Variants in GMPR observed in about 807,000 individuals in gnomAD.
The protein encoded by GMPR is guanosine monophosphate reductase.
Under a neutral mutation model 38.4 loss-of-function variants are expected in GMPR, and 31 were observed. The ratio of observed to expected loss-of-function variants is 0.81; its 90% confidence interval spans 0.61 to 1.09. The LOEUF (loss-of-function observed/expected upper bound fraction) is 1.09, where lower values mean the gene tolerates loss of function less well. Ranked by LOEUF, GMPR falls within the 50% of genes least tolerant of loss-of-function variation. The pLI is 0.00. For missense variants in GMPR, 468 were observed against 453.7 expected (o/e 1.03, Z -0.29); for synonymous variants, 162 against 173.3 (o/e 0.93, Z 0.51).
At chr6:16,291,259 T>C (rs1759837490) in intron 8 of GMPR, among the ~76,000 whole-genome samples, 1 of 152,194 alleles carries the variant, frequency 6.6e-6, no homozygotes, top group Non-Finnish European at 1.5e-5. Flanking sequence ...AGTCGTGCTC[T>C]GTCGCCCAGG....
chr6:16,239,984 C>G, intron 1 of GMPR, among the ~76,000 whole-genome samples: 1 of 152,162 alleles, frequency 6.6e-6, no homozygotes, highest in East Asian at 1.9e-4. Context: ...AAGAGGGGGC[C>G]TCTCTTGGAA....
intron 8 of GMPR, among the ~76,000 whole-genome samples, chr6:16,292,309 G>C (rs1481294962): frequency 3.3e-5 from 5 of 152,010 alleles, no homozygotes; most frequent in Non-Finnish European, 7.4e-5. Flanking sequence ...GGATTGGGGG[G>C]AGTGGGGTGT....
At chr6:16,280,977 T>G (rs1407620764) in intron 6 of GMPR, among the ~76,000 whole-genome samples, 1 of 152,156 alleles carries the variant, frequency 6.6e-6, no homozygotes, top group African/African-American at 2.4e-5. Context: ...TACAGGGCTG[T>G]TTGGCCAAAG....
intron 6 of GMPR, among the ~76,000 whole-genome samples, chr6:16,284,061 G>A (rs1276682896): frequency 6.6e-6 from 1 of 152,182 alleles, no homozygotes; most frequent in Non-Finnish European, 1.5e-5. Context: ...GATAACATAC[G>A]GCAAGACCAC....
intron 2 of GMPR, among the ~76,000 whole-genome samples, chr6:16,247,517 G>A (rs960944798): frequency 6.6e-6 from 1 of 152,134 alleles, no homozygotes; most frequent in African/African-American, 2.4e-5. Context: ...TAGGACTACA[G>A]GCACATGCCA....
intron 3 of GMPR, among the ~76,000 whole-genome samples, chr6:16,250,692 A>G (rs1342855724): frequency 6.6e-6 from 1 of 152,118 alleles, no homozygotes; most frequent in East Asian, 1.9e-4. Flanking sequence ...TCTGAGTATA[A>G]CAAGGTGCTT....
intron 1 of GMPR, 28 bp from the exon 2 acceptor site, chr6:16,246,814 T>G: frequency 6.2e-7 from 1 of 1,603,874 alleles, no homozygotes; most frequent in Non-Finnish European, 8.5e-7. Context: ...TTTCTTTCCC[T>G]TTTTCTTTCT....
chr6:16,268,535 C>G (rs1211772686), intron 4 of GMPR, among the ~76,000 whole-genome samples: 2 of 152,224 alleles, frequency 1.3e-5, no homozygotes, highest in Non-Finnish European at 2.9e-5. Context: ...CTGTCTCAGC[C>G]TCCCAAAGTG....
At chr6:16,259,260 T>C (rs527834459) in intron 4 of GMPR, 1 of 151,796 alleles carries the variant, frequency 6.6e-6, no homozygotes, top group Non-Finnish European at 1.5e-5. Context: ...CAGGATGAGC[T>C]AGGAGAAGGA....
At position 16,266,107 on chromosome 6, in the gene GMPR, GCC is replaced by G. The variant is rs1759206204; in HGVS notation, c.466-8307_466-8306del. On this transcript the variant is annotated intron_variant, in intron 4 of 8. Coordinates refer to ENST00000259727, the MANE Select transcript of GMPR (RefSeq NM_006877.4). Reference sequence around the variant, plus strand: ...GCTACCTTTAAGAGCTGTAACACTTGCCATCTTTAAGAGCTGTAACACTTGCC... The same window carrying G: ...GCTACCTTTAAGAGCTGTAACACTTGATCTTTAAGAGCTGTAACACTTGCC... Among the ~76,000 whole-genome samples the G allele has an allele frequency of 9.3e-5, 7 of 75,346 alleles. No homozygotes were observed. The South Asian group carries it at 1.4e-3, about 15-fold the overall frequency. The allele number at this position is 75,346 out of a possible 152,430, so 49.4% of individuals were successfully genotyped here.
At position 16,261,760 on chromosome 6, in the gene GMPR, T is replaced by G. The variant is rs546585547; in HGVS notation, c.465+7025T>G. On this transcript the variant is annotated intron_variant, in intron 4 of 8. Transcript: ENST00000259727. The stretch of plus-strand genomic sequence containing the variant: ...TCTTGGCATTGAGCAGGGTAAGGGT[T>G]ATTAGGTTTTAATGAGATGGTAAGG... 9.2e-5 allele frequency among the ~76,000 whole-genome samples: 14 copies of G among 151,940 alleles called. 1 individual carries two copies. The highest frequency in any genetic ancestry group is 2.7e-4 in the Admixed American group (4 of 15,052).
intron 4 of GMPR, among the ~76,000 whole-genome samples, chr6:16,256,147 T>C (rs1238158556): frequency 7.3e-6 from 1 of 136,522 alleles, no homozygotes; most frequent in Non-Finnish European, 1.6e-5. Flanking sequence ...ACCCAGGAGG[T>C]GAAGCTTGCA....
intron 1 of GMPR, among the ~76,000 whole-genome samples, chr6:16,242,332 CTTTT>C (rs36064390): frequency 2.8e-5 from 4 of 142,808 alleles, no homozygotes; most frequent in Admixed American, 7.0e-5. Flanking sequence ...TCACTAATTA[CTTTT>C]TTTTTTTTTT....
chr6:16,287,273 G>T (rs1759704365), intron 7 of GMPR, among the ~76,000 whole-genome samples: 1 of 152,234 alleles, frequency 6.6e-6, no homozygotes, highest in Non-Finnish European at 1.5e-5. Context: ...ATTGGTTTTT[G>T]AGCTGAATCT....
intron 8 of GMPR, among the ~76,000 whole-genome samples, chr6:16,292,978 C>G (rs1759866874): frequency 6.6e-6 from 1 of 152,162 alleles, no homozygotes; most frequent in African/African-American, 2.4e-5. Flanking sequence ...AGGCTTCAGC[C>G]TGAGCCTTGC....
intron 5 of GMPR, among the ~76,000 whole-genome samples, chr6:16,275,654 T>C (rs1293926859): frequency 6.6e-6 from 1 of 152,212 alleles, no homozygotes; most frequent in East Asian, 1.9e-4. Flanking sequence ...GGCTGCCTCC[T>C]CTTAGGGCAG....
chr6:16,266,578 G>T lies in GMPR; in HGVS notation c.466-7837G>T, dbSNP rs150434716. 4.2e-3 allele frequency among the ~76,000 whole-genome samples: 640 copies of T among 151,602 alleles called. 20 individuals are homozygous for T. The East Asian group carries it at 0.086, about 20-fold the overall frequency. The stretch of plus-strand genomic sequence containing the variant: ...GGCACTTTGGGAGGCCGAGATGGGT[G>T]GATCACCAGGTCAGGAGATCATAAC... On this transcript the variant is annotated intron_variant, in intron 4 of 8. Coordinates refer to ENST00000259727, the MANE Select transcript of GMPR (RefSeq NM_006877.4).
rs546201773 is a variant in GMPR at position 16,261,443 on chromosome 6, C to A, written c.465+6708C>A. ...TGAAAGCGAAGAGAGGCTAGGAGGA[C>A]AGGTGCAAAGGAATAGTAAAGAAAG... On this transcript the variant is annotated intron_variant, in intron 4 of 8. Transcript: ENST00000259727. Among the ~76,000 whole-genome samples the A allele has an allele frequency of 3.3e-5, 5 of 151,898 alleles. No individual in the cohort carries two copies. The East Asian group carries it at 9.6e-4, about 29-fold the overall frequency.
At chr6:16,257,531 T>A (rs1182124334) in intron 4 of GMPR, among the ~76,000 whole-genome samples, 1 of 152,222 alleles carries the variant, frequency 6.6e-6, no homozygotes, top group African/African-American at 2.4e-5. Context: ...TCTTTTTCCT[T>A]CTCTTTACTT....
Sources: allele counts gnomAD v4.1 joint callset (sites outside exome capture counted in the v4.1 genomes callset), GRCh38; gene constraint gnomAD v4.1.1; transcripts MANE v1.5; gene names NCBI Gene and HGNC (gene_info 2026-07-23, HGNC 2026-07-21).